Variants in ZRANB3 observed in about 807,000 individuals in gnomAD.
ZRANB3 encodes the protein zinc finger RANBP2-type containing 3.
In ZRANB3, 125 loss-of-function variants were observed where a neutral mutation model predicts 133.8. The observed-to-expected ratio is 0.93, with a 90% CI of 0.81 to 1.08. The LOEUF is 1.08. ZRANB3 is among the 50% of genes least tolerant of loss of function. The probability of loss-of-function intolerance (pLI) is 0.00; values close to 1 mark genes in which losing one functional copy is unlikely to be tolerated. For synonymous variants in ZRANB3, 387 were observed against 432.7 expected (o/e 0.89, Z 1.31); for missense variants, 1,229 against 1,275.5 (o/e 0.96, Z 0.56).
At chr2:135,408,313 A>T (rs1157861965) in intron 2 of ZRANB3, among the ~76,000 whole-genome samples, 3 of 152,158 alleles carry the variant, frequency 2.0e-5, no homozygotes, top group African/African-American at 4.8e-5. Flanking sequence ...ATCATTAAAA[A>T]GTCAGGAAAC....
Position 135,224,496 on chromosome 2 carries a change from G to C in ZRANB3, c.2180C>G (p.Thr727Ser). ...PGNEQWKSSD[T>S]LPVYDTLMFC... ...CATTAAGGTGTCATACACTGGCAAA[G>C]TGTCTGAACTCTTCCACTGTTCTAT... Residue 727 changes from threonine (T) to serine (S), a missense_variant, in exon 15 of 21, where the codon ACT becomes AGT. Transcript: ENST00000264159. 6.2e-7 allele frequency: 1 copy of C among 1,612,978 alleles called. No individual in the cohort carries two copies. The highest frequency in any genetic ancestry group is 8.5e-7 in the Non-Finnish European group (1 of 1,179,346).
chr2:135,407,601 C>G (rs1433152316), intron 2 of ZRANB3, among the ~76,000 whole-genome samples: 1 of 151,014 alleles, frequency 6.6e-6, no homozygotes, highest in Non-Finnish European at 1.5e-5. Context: ...ACCAAAACAG[C>G]ATGGTACTAG....
At position 135,207,410 on chromosome 2, in the gene ZRANB3, A is replaced by G. The variant is rs966597557; in HGVS notation, c.3009+24T>C. On this transcript the variant is annotated intron_variant, in intron 19 of 20. Transcript: ENST00000264159. ...ATTACTCAGTACAATGCTGCCTTCTATCTATCACATGATTATAACTTACCT... is the reference window on the plus strand; with the variant it reads ...ATTACTCAGTACAATGCTGCCTTCTGTCTATCACATGATTATAACTTACCT... 5.7e-6 allele frequency: 9 copies of G among 1,574,862 alleles called. No individual in the cohort carries two copies. In the African/African-American group the frequency reaches 8.2e-5, roughly 14 times the overall value.
chr2:135,313,370 A>T, intron 8 of ZRANB3, 119 bp downstream of exon 8: 3 of 614,918 alleles, frequency 4.9e-6, no homozygotes, highest in Non-Finnish European at 8.0e-6. Context: ...AAAAAAAAAA[A>T]GAGTTAAACA....
At chr2:135,313,353 C>CAAAA (rs368770114) in intron 8 of ZRANB3, 136 bp downstream of exon 8, 11 of 355,844 alleles carry the variant, frequency 3.1e-5, no homozygotes, top group Admixed American at 1.5e-4. Flanking sequence ...GCTCCCAACT[C>CAAAA]AAAAAAAAAA....
At chr2:135,283,718 A>G (rs955820591) in intron 8 of ZRANB3, among the ~76,000 whole-genome samples, 3 of 152,200 alleles carry the variant, frequency 2.0e-5, no homozygotes, top group Admixed American at 6.5e-5. Context: ...TTGTCCTACT[A>G]AAGTACAGAA....
intron 3 of ZRANB3, among the ~76,000 whole-genome samples, chr2:135,359,598 AAAG>A (rs1685581895): frequency 1.3e-5 from 2 of 151,640 alleles, no homozygotes; most frequent in South Asian, 4.1e-4. Flanking sequence ...AAAAGGAAAC[AAAG>A]AAAAGAAAAA....
intron 6 of ZRANB3, among the ~76,000 whole-genome samples, chr2:135,333,469 A>G (rs1000744618): frequency 6.6e-6 from 1 of 152,240 alleles, no homozygotes; most frequent in Non-Finnish European, 1.5e-5. Context: ...AAAACTACAT[A>G]CAGTCGCCTA....
intron 12 of ZRANB3, among the ~76,000 whole-genome samples, chr2:135,235,342 A>G (rs1695238012): frequency 1.3e-5 from 2 of 152,204 alleles, no homozygotes; most frequent in Admixed American, 6.5e-5. Context: ...ATTCACAGCC[A>G]AATTCTACGA....
At chr2:135,412,071 A>T (rs959664246) in intron 2 of ZRANB3, among the ~76,000 whole-genome samples, 4 of 152,206 alleles carry the variant, frequency 2.6e-5, no homozygotes, top group African/African-American at 9.6e-5. Context: ...TGTTTTGTGA[A>T]TGACTAAATA....
intron 3 of ZRANB3, among the ~76,000 whole-genome samples, chr2:135,356,006 A>G (rs559648705): frequency 2.6e-5 from 4 of 152,144 alleles, no homozygotes; most frequent in Non-Finnish European, 5.9e-5. Flanking sequence ...TACATTTTGC[A>G]CTTCATGTAT....
At chr2:135,259,521 C>T (rs998705201) in intron 12 of ZRANB3, among the ~76,000 whole-genome samples, 2 of 152,140 alleles carry the variant, frequency 1.3e-5, no homozygotes, top group African/African-American at 4.8e-5. Flanking sequence ...CGGGTTCAAG[C>T]GATTCTCCTG....
At chr2:135,475,640 A>G (rs1691470976) in intron 2 of ZRANB3, among the ~76,000 whole-genome samples, 1 of 152,228 alleles carries the variant, frequency 6.6e-6, no homozygotes. Context: ...AATGCTAAGC[A>G]CTACACAGAT....
At chr2:135,478,502 C>T (rs934962871) in intron 2 of ZRANB3, among the ~76,000 whole-genome samples, 5 of 152,148 alleles carry the variant, frequency 3.3e-5, no homozygotes, top group South Asian at 2.1e-4. Flanking sequence ...TTATATTTCA[C>T]GTAAGTGGTT....
At chr2:135,442,561 G>A (rs537837931) in intron 2 of ZRANB3, among the ~76,000 whole-genome samples, 4 of 152,320 alleles carry the variant, frequency 2.6e-5, no homozygotes, top group South Asian at 4.1e-4. Flanking sequence ...TGCTGGAGAG[G>A]ATGTGGAGAA....
intron 6 of ZRANB3, among the ~76,000 whole-genome samples, chr2:135,326,818 T>C (rs1464186549): frequency 6.8e-6 from 1 of 147,660 alleles, no homozygotes; most frequent in African/African-American, 2.5e-5. Flanking sequence ...GGGAATTGCT[T>C]GAACCTGGGA....
intron 2 of ZRANB3, among the ~76,000 whole-genome samples, chr2:135,492,231 A>C (rs1178712360): frequency 6.6e-6 from 1 of 152,240 alleles, no homozygotes; most frequent in East Asian, 1.9e-4. Flanking sequence ...AATGAAAGTG[A>C]GTTTAACACT....
chr2:135,388,280 C>G (rs1378848988), intron 3 of ZRANB3, among the ~76,000 whole-genome samples: 2 of 152,164 alleles, frequency 1.3e-5, no homozygotes, highest in African/African-American at 4.8e-5. Flanking sequence ...CCCCTCCCAT[C>G]ACATGTGGGA....
intron 12 of ZRANB3, among the ~76,000 whole-genome samples, chr2:135,234,225 A>G (rs1695180173): frequency 6.6e-6 from 1 of 152,248 alleles, no homozygotes. Flanking sequence ...AAAGGGATCA[A>G]TTCAACAAGA....
Sources: allele counts gnomAD v4.1 joint callset (sites outside exome capture counted in the v4.1 genomes callset), GRCh38; gene constraint gnomAD v4.1.1; transcripts MANE v1.5; gene names NCBI Gene and HGNC (gene_info 2026-07-23, HGNC 2026-07-21).